Variants in CROCC2 observed in about 807,000 individuals in gnomAD.
CROCC2 encodes the protein ciliary rootlet coiled-coil, rootletin family member 2.
CROCC2 carries 163 observed loss-of-function variants against 177.6 expected under a neutral mutation model. That is an observed-to-expected ratio of 0.92 (90% CI 0.81 to 1.05). The LOEUF (loss-of-function observed/expected upper bound fraction) is 1.05. Ranked by LOEUF, CROCC2 falls within the 50% of genes least tolerant of loss-of-function variation. The pLI is 0.00. For missense variants in CROCC2, 1,929 were observed against 1,797.8 expected (o/e 1.07, Z -1.32); for synonymous variants, 904 against 787.3 (o/e 1.15, Z -2.48).
intron 14 of CROCC2, among the ~76,000 whole-genome samples, chr2:240,937,034 G>A (rs546143961): frequency 7.9e-5 from 12 of 152,202 alleles, no homozygotes; most frequent in Non-Finnish European, 1.5e-4. Context: ...CACTGTATAG[G>A]TGTGTGTTGA....
chr2:240,983,368 G>A (rs567511754), intron 28 of CROCC2: 5 of 1,294,730 alleles, frequency 3.9e-6, no homozygotes, highest in East Asian at 5.6e-5. Context: ...GAACGACCCC[G>A]CTCTCAGAAA....
chr2:240,925,604 C>G, intron 4 of CROCC2, 120 bp from the exon 5 acceptor site: 1 of 611,822 alleles, frequency 1.6e-6, no homozygotes, highest in Non-Finnish European at 3.0e-6. Context: ...CACCTGAGCC[C>G]AGGTCAGTTA....
intron 10 of CROCC2, 65 bp downstream of exon 10, chr2:240,933,407 G>A: frequency 1.4e-6 from 2 of 1,405,350 alleles, no homozygotes; most frequent in African/African-American, 2.9e-5. Flanking sequence ...GCCCAGGGCT[G>A]CTGTCAGGAC....
intron 14 of CROCC2, among the ~76,000 whole-genome samples, chr2:240,939,423 A>G (rs1393125103): frequency 1.3e-5 from 2 of 152,018 alleles, no homozygotes; most frequent in Non-Finnish European, 2.9e-5. Context: ...AGATTTTTGC[A>G]TCTATATTTG....
intron 7 of CROCC2, 93 bp from the exon 8 acceptor site, chr2:240,932,225 C>T: frequency 3.2e-6 from 2 of 631,872 alleles, no homozygotes; most frequent in Non-Finnish European, 5.9e-6. Context: ...AGGGGGGCCA[C>T]CGCACAAAGG....
At chr2:240,967,861 C>A (rs1450896114) in intron 26 of CROCC2, among the ~76,000 whole-genome samples, 1 of 151,892 alleles carries the variant, frequency 6.6e-6, no homozygotes, top group Non-Finnish European at 1.5e-5. Context: ...CCTCGTCACC[C>A]CCTCAGAGAG....
chr2:240,948,742 C>T (rs1482344014), intron 15 of CROCC2, among the ~76,000 whole-genome samples: 1 of 152,176 alleles, frequency 6.6e-6, no homozygotes, highest in Non-Finnish European at 1.5e-5. Context: ...ATGTGGGGGT[C>T]CAGTTGCGTG....
chr2:240,948,683 C>T (rs751867455), intron 15 of CROCC2, among the ~76,000 whole-genome samples: 2 of 152,210 alleles, frequency 1.3e-5, no homozygotes, highest in Non-Finnish European at 2.9e-5. Context: ...GTGGCATCTC[C>T]ATGCACAAAT....
At position 240,949,530 on chromosome 2, in the gene CROCC2, C is replaced by A; in HGVS notation, c.2483-3C>A. The A allele has an allele frequency of 6.5e-7, 1 of 1,550,062 alleles. No individual in the cohort carries two copies. The highest frequency in any genetic ancestry group is 8.7e-7 in the Non-Finnish European group (1 of 1,146,588). On this transcript the variant is annotated splice_polypyrimidine_tract_variant and splice_region_variant and intron_variant, in intron 16 of 31. Transcript: ENST00000690015. The surrounding 1 kb of genome is among the most constrained non-coding windows in gnomAD (Gnocchi z 4.5). ...CTGGTGCATCTCACCCATCACCCCACAGTGGAAATGGAGCAGCTACAAAGT... is the reference window on the plus strand; with the variant it reads ...CTGGTGCATCTCACCCATCACCCCAAAGTGGAAATGGAGCAGCTACAAAGT...
chr2:240,932,740 T>A lies in CROCC2; in HGVS notation c.1083T>A (p.Gly361=). The stretch of plus-strand genomic sequence containing the variant: ...ACGCCCGGTGCCTGGAGCTGGCAGG[T>A]AGCAGCATCACTGAATTGGGGGAGC... ...QEDARCLELA[G]SSITELGEPR... Residue 361 remains glycine, a synonymous_variant, in exon 9 of 32, where the codon GGT becomes GGA. Coordinates refer to ENST00000690015, the MANE Select transcript of CROCC2 (RefSeq NM_001351305.2). 1 of 968,558 alleles carries A rather than the reference T, an allele frequency of 1.0e-6. No individual in the cohort carries two copies. The highest frequency in any genetic ancestry group is 1.6e-6 in the Non-Finnish European group (1 of 615,270). The allele number at this position is 968,558 out of a possible 1,614,324, so 60.0% of individuals were successfully genotyped here.
intron 2 of CROCC2, among the ~76,000 whole-genome samples, chr2:240,919,385 C>T (rs2059343536): frequency 1.3e-5 from 2 of 152,144 alleles, no homozygotes; most frequent in African/African-American, 4.8e-5. Context: ...GGAGCACAGA[C>T]GCCCACCCCC....
rs1466225393 is a variant in CROCC2 at position 240,968,315 on chromosome 2, C to T, written c.4401+53C>T. ...GGTGGGGCACAAGAACAAGGCCTCTCGGTCACCCTCACACCCTGCAGGGAG... is the reference window on the plus strand; with the variant it reads ...GGTGGGGCACAAGAACAAGGCCTCTTGGTCACCCTCACACCCTGCAGGGAG... On this transcript the variant is annotated intron_variant, in intron 27 of 31. Transcript: ENST00000690015. 1.3e-5 allele frequency: 20 copies of T among 1,487,304 alleles called. No homozygotes were observed. The African/African-American group carries it at 1.5e-4, about 11-fold the overall frequency. 92.1% of individuals were successfully genotyped at this position (1,487,304 alleles called of 1,614,324 possible).
chr2:240,933,136 G>A lies in CROCC2; in HGVS notation c.1257G>A (p.Leu419=). 6.5e-7 allele frequency: 1 copy of A among 1,550,182 alleles called. No individual in the cohort carries two copies. The highest frequency in any genetic ancestry group is 1.2e-5 in the South Asian group (1 of 84,058). ...AACTTACCCCACCCGAGCAGGAGCT[G>A]TGCCTGCAGCTGAAGTCCTCCCAGG... ...IERRWRREQE[L]CLQLKSSQAL... Residue 419 remains leucine, a synonymous_variant, in exon 10 of 32, where the codon CTG becomes CTA. Coordinates refer to ENST00000690015, the MANE Select transcript of CROCC2 (RefSeq NM_001351305.2).
In CROCC2 at chr2:240,918,819, G is replaced by T. The variant is rs540779159; in HGVS notation, c.172G>T (p.Val58Leu). The T allele has an allele frequency of 1.6e-6, 1 of 618,726 alleles. No individual in the cohort carries two copies. The highest frequency in any genetic ancestry group is 3.0e-6 in the Non-Finnish European group (1 of 338,666). 38.3% of individuals were successfully genotyped at this position (618,726 alleles called of 1,614,324 possible). ...AGGCCGGCAGGCCTCGCCCACCCCCGTGCCCACCCGCATCCGTGAGATCGT... is the reference window on the plus strand; with the variant it reads ...AGGCCGGCAGGCCTCGCCCACCCCCTTGCCCACCCGCATCCGTGAGATCGT... ...GEGRQASPTP[V>L]PTRIREIVAG... The change falls in exon 2 of 32, where the codon GTG becomes TTG. Residue 58 changes from valine to leucine, a missense_variant. Physicochemically the swap from Val to Leu is conservative, Grantham distance 32. This residue lies in a region of CROCC2 where 1,397 missense variants were observed against 1,239.9 expected (regional missense o/e 1.13). Coordinates refer to ENST00000690015, the MANE Select transcript of CROCC2 (RefSeq NM_001351305.2). The surrounding 1 kb of genome is among the most constrained non-coding windows in gnomAD (Gnocchi z 6.3).
chr2:240,988,053 C>T (rs2059851962), intron 28 of CROCC2, among the ~76,000 whole-genome samples: 1 of 152,212 alleles, frequency 6.6e-6, no homozygotes, highest in African/African-American at 2.4e-5. Flanking sequence ...CTCCAGAGGG[C>T]CCATTCGCAA....
At chr2:240,991,514 G>C (rs936584793) in intron 31 of CROCC2, among the ~76,000 whole-genome samples, 1 of 152,220 alleles carries the variant, frequency 6.6e-6, no homozygotes, top group Non-Finnish European at 1.5e-5. Flanking sequence ...CACTCTTCAG[G>C]GTCCTCAGGC....
intron 5 of CROCC2, among the ~76,000 whole-genome samples, chr2:240,928,631 T>A (rs1042416707): frequency 3.9e-5 from 6 of 152,224 alleles, no homozygotes; most frequent in Non-Finnish European, 7.3e-5. Context: ...CCAAGAAGTG[T>A]CTCAGCCTGC....
intron 28 of CROCC2, among the ~76,000 whole-genome samples, chr2:240,987,891 T>G (rs1351166448): frequency 6.6e-6 from 1 of 152,210 alleles, no homozygotes; most frequent in East Asian, 1.9e-4. Context: ...AATGAGCCTG[T>G]GACATCATGG....
chr2:240,933,415 G>A lies in CROCC2; in HGVS notation c.1463+73G>A, dbSNP rs552467226. ...CCTGAGGGCCCAGGGCTGCTGTCAG[G>A]ACAAGCACCTCTAGAGCTGGAGGGG... On this transcript the variant is annotated intron_variant, in intron 10 of 31. Transcript: ENST00000690015. 2.0e-5 allele frequency: 28 copies of A among 1,384,224 alleles called. No individual in the cohort carries two copies. The African/African-American group carries it at 3.3e-4, about 17-fold the overall frequency. The allele number at this position is 1,384,224 out of a possible 1,614,324, so 85.7% of individuals were successfully genotyped here. A position where few individuals can be genotyped will look rare whatever the true frequency, so the allele number is the denominator to read the frequency against.
Sources: gnomAD v4.1 joint callset for allele counts (sites outside exome capture counted in the v4.1 genomes callset) on GRCh38, gnomAD v4.1.1 for gene constraint, gnomAD v4.1.1 regional missense constraint, Gnocchi (gnomAD v3.1) non-coding constraint, MANE v1.5 for transcripts, NCBI Gene and HGNC (gene_info 2026-07-23, HGNC 2026-07-21) for gene names.